The following DHRSX variants were observed in gnomAD, a reference collection of about 807,000 sequenced individuals.
DHRSX encodes the protein polyprenol dehydrogenase.
DHRSX carries 31 observed loss-of-function variants against 34.0 expected under a neutral mutation model. The observed-to-expected ratio is 0.91, with a 90% CI of 0.69 to 1.23. The LOEUF (loss-of-function observed/expected upper bound fraction) is 1.23. DHRSX is among the 50% of genes most tolerant of loss of function. DHRSX has a pLI of 0.00. For synonymous variants in DHRSX, 201 were observed against 183.8 expected (o/e 1.09, Z -0.76); for missense variants, 414 against 428.1 (o/e 0.97, Z 0.29).
intron 1 of DHRSX, among the ~76,000 whole-genome samples, chrX:2,428,453 G>A (rs6567723): frequency 0.78 from 119,137 of 152,050 alleles, 47,727 homozygotes; most frequent in African/African-American, 0.95. Flanking sequence ...AAAAAGGATG[G>A]GTTCATGTCC....
rs1425481509 is a variant in DHRSX, at chrX:2,489,867, C to T, written c.109+10950G>A. Reference sequence around the variant, plus strand: ...TGGCCCAGGCAGGGCATGTGCACTGCGACGTCCAGCAGGGAGCACGCCTTC... The same window carrying T: ...TGGCCCAGGCAGGGCATGTGCACTGTGACGTCCAGCAGGGAGCACGCCTTC... On this transcript the variant is annotated intron_variant, in intron 1 of 6. Transcript: ENST00000334651. 49 of 1,613,672 alleles carry T rather than the reference C, an allele frequency of 3.0e-5. No individual in the cohort carries two copies. The East Asian group carries it at 6.9e-4, about 23-fold the overall frequency.
chrX:2,486,851 G>GT (rs2044949598), intron 1 of DHRSX: 1 of 152,234 alleles, frequency 6.6e-6, no homozygotes, highest in Non-Finnish European at 1.5e-5. Context: ...GGCTCAGGAC[G>GT]TAAGGATAAC....
At chrX:2,296,373 A>T (rs1261058480) in intron 3 of DHRSX, among the ~76,000 whole-genome samples, 1 of 152,188 alleles carries the variant, frequency 6.6e-6, no homozygotes, top group Non-Finnish European at 1.5e-5. Context: ...AAAAGAGAAA[A>T]GAAGAAAAGG....
At position 2,442,258 on chromosome X, in the gene DHRSX, C is replaced by T. The variant is rs1603098106; in HGVS notation, c.110-16954G>A. ...TAAAGGTCTCCATCCTCATCGTCTCCATGCTGAAGAAGCTGAGGAGGAGGA... is the reference window on the plus strand; with the variant it reads ...TAAAGGTCTCCATCCTCATCGTCTCTATGCTGAAGAAGCTGAGGAGGAGGA... On this transcript the variant is annotated intron_variant, in intron 1 of 6. Coordinates refer to ENST00000334651, the MANE Select transcript of DHRSX (RefSeq NM_145177.3). Among the ~76,000 whole-genome samples the T allele has an allele frequency of 3.3e-5, 5 of 150,786 alleles. No individual in the cohort carries two copies. In the South Asian group the frequency reaches 1.0e-3, roughly 31 times the overall value.
At chrX:2,357,272 A>AT (rs1452297507) in intron 3 of DHRSX, among the ~76,000 whole-genome samples, 1 of 151,930 alleles carries the variant, frequency 6.6e-6, no homozygotes, top group East Asian at 1.9e-4. Flanking sequence ...TTACACATGG[A>AT]TTTTTGACTG....
intron 3 of DHRSX, among the ~76,000 whole-genome samples, chrX:2,297,901 A>AC (rs1184118873): frequency 6.6e-6 from 1 of 151,566 alleles, no homozygotes; most frequent in Non-Finnish European, 1.5e-5. Flanking sequence ...GATTACAGGC[A>AC]CCCGCCACCA....
chrX:2,304,150 T>C (rs1479779312), intron 3 of DHRSX, among the ~76,000 whole-genome samples: 3 of 145,014 alleles, frequency 2.1e-5, no homozygotes, highest in Admixed American at 1.4e-4. Context: ...AATGGATGGA[T>C]GGATGGATGG....
intron 2 of DHRSX, among the ~76,000 whole-genome samples, chrX:2,415,105 A>T (rs2043677626): frequency 1.3e-5 from 2 of 151,800 alleles, no homozygotes; most frequent in Admixed American, 1.3e-4. Flanking sequence ...ATACAACTAG[A>T]TCTCATCATG....
intron 6 of DHRSX, among the ~76,000 whole-genome samples, chrX:2,224,324 C>T (rs1221044953): frequency 6.6e-6 from 1 of 152,216 alleles, no homozygotes; most frequent in African/African-American, 2.4e-5. Flanking sequence ...AAGGAGGCTT[C>T]CTCTTTGTGG....
intron 4 of DHRSX, among the ~76,000 whole-genome samples, chrX:2,269,307 AT>A (rs1257031947): frequency 6.6e-6 from 1 of 152,092 alleles, no homozygotes; most frequent in African/African-American, 2.4e-5. Flanking sequence ...TTCTCTGTGT[AT>A]TTGTACATGT....
At chrX:2,379,209 G>A (rs2043176589) in intron 3 of DHRSX, among the ~76,000 whole-genome samples, 1 of 152,042 alleles carries the variant, frequency 6.6e-6, no homozygotes, top group Non-Finnish European at 1.5e-5. Context: ...ATGAATGTGT[G>A]GCAAGCAAAG....
intron 5 of DHRSX, among the ~76,000 whole-genome samples, chrX:2,245,062 A>ATGGAAGCTGTGAACG (rs1569479026): frequency 6.6e-6 from 1 of 151,838 alleles, no homozygotes; most frequent in Non-Finnish European, 1.5e-5. Context: ...AGCTGTGAAC[A>ATGGAAGCTGTGAACG]GAAAATATCT....
chrX:2,357,313 T>C (rs1437756749), intron 3 of DHRSX, among the ~76,000 whole-genome samples: 1 of 151,918 alleles, frequency 6.6e-6, no homozygotes, highest in Non-Finnish European at 1.5e-5. Context: ...AACCCCCATG[T>C]TTTTCAAGGG....
intron 1 of DHRSX, chrX:2,490,297 G>A (rs376011137): frequency 6.2e-7 from 1 of 1,613,578 alleles, no homozygotes; most frequent in Non-Finnish European, 8.5e-7. Context: ...CCACGATGGA[G>A]GCTGGGTACA....
chrX:2,377,711 T>C lies in DHRSX; in HGVS notation c.286+31034A>G, dbSNP rs1296413183. On this transcript the variant is annotated intron_variant, in intron 3 of 6. Coordinates refer to ENST00000334651, the MANE Select transcript of DHRSX (RefSeq NM_145177.3). ...CCTGCCTTAATACTCCAGAATGAAATGCATTTCATAATTGCAGTGTGCACA... is the reference window on the plus strand; with the variant it reads ...CCTGCCTTAATACTCCAGAATGAAACGCATTTCATAATTGCAGTGTGCACA... Among the ~76,000 whole-genome samples the C allele has an allele frequency of 4.6e-5, 7 of 151,000 alleles. No individual in the cohort carries two copies. In the East Asian group the frequency reaches 1.2e-3, roughly 25 times the overall value.
intron 4 of DHRSX, among the ~76,000 whole-genome samples, chrX:2,281,918 A>G (rs563483258): frequency 0.17 from 1 of 6 alleles, no homozygotes; most frequent in East Asian, 0.5. Context: ...GAGAGAAGGA[A>G]GAGGAGGAAA....
intron 1 of DHRSX, among the ~76,000 whole-genome samples, chrX:2,445,983 A>G (rs1440414249): frequency 6.7e-6 from 1 of 150,110 alleles, no homozygotes; most frequent in Non-Finnish European, 1.5e-5. Context: ...CGCACTGAAG[A>G]CGTTCCCTAA....
chrX:2,470,043 A>T lies in DHRSX; in HGVS notation c.109+30774T>A, dbSNP rs189186568. On this transcript the variant is annotated intron_variant, in intron 1 of 6. Coordinates refer to ENST00000334651, the MANE Select transcript of DHRSX (RefSeq NM_145177.3). ...AGTACATCAAGCAAATGTGGCATAGACACACAGTGGAATAGTATGCAGCCA... is the reference window on the plus strand; with the variant it reads ...AGTACATCAAGCAAATGTGGCATAGTCACACAGTGGAATAGTATGCAGCCA... Among the ~76,000 whole-genome samples the T allele has an allele frequency of 4.4e-3, 668 of 151,980 alleles. 3 individuals are homozygous for T. The highest frequency in any genetic ancestry group is 0.015 in the African/African-American group (641 of 41,446).
At chrX:2,408,219 G>A (rs2043582996) in intron 3 of DHRSX, among the ~76,000 whole-genome samples, 1 of 151,798 alleles carries the variant, frequency 6.6e-6, no homozygotes, top group Non-Finnish European at 1.5e-5. Context: ...GGGATTACAG[G>A]CACATGCCAC....
Sources: allele counts gnomAD v4.1 joint callset (sites outside exome capture counted in the v4.1 genomes callset), GRCh38; gene constraint gnomAD v4.1.1; transcripts MANE v1.5; gene names NCBI Gene and HGNC (gene_info 2026-07-23, HGNC 2026-07-21).